Variants in PDS5B observed in about 807,000 individuals in gnomAD.
The protein encoded by PDS5B is PDS5 cohesin associated factor B, also known as sister chromatid cohesion protein PDS5 homolog B.
A neutral mutation model predicts 184.1 loss-of-function variants in PDS5B; 51 were observed. The ratio of observed to expected loss-of-function variants is 0.28; its 90% CI spans 0.22 to 0.35. The LOEUF (loss-of-function observed/expected upper bound fraction) is 0.35, where lower values mean the gene tolerates loss of function less well. PDS5B is among the 10% of genes least tolerant of loss of function. The probability of loss-of-function intolerance (pLI) is 1.00; values close to 1 mark genes in which losing one functional copy is unlikely to be tolerated. For synonymous variants in PDS5B, 566 were observed against 569.2 expected (o/e 0.99, Z 0.08); for missense variants, 1,180 against 1,723.3 (o/e 0.68, Z 5.58).
intron 8 of PDS5B, among the ~76,000 whole-genome samples, chr13:32,674,788 A>G (rs1022765298): frequency 9.2e-5 from 14 of 152,240 alleles, no homozygotes; most frequent in African/African-American, 3.4e-4. Context: ...AAAGAATTAT[A>G]ATTGGAAGAT....
chr13:32,635,341 C>CTTT lies in PDS5B; in HGVS notation c.-19-13395_-19-13393dup, dbSNP rs576811097. Among the ~76,000 whole-genome samples, 921 of 103,784 alleles carry CTTT rather than the reference C, an allele frequency of 8.9e-3. 26 individuals are homozygous for CTTT. The highest frequency in any genetic ancestry group is 0.079 in the East Asian group (297 of 3,782). 68.1% of individuals were successfully genotyped at this position (103,784 alleles called of 152,430 possible). ...GTGTGAGCCACTATGCCTGGCCTGT[C>CTTT]TTTTTTTTTTTTTTTTTTTTAAAGA... On this transcript the variant is annotated intron_variant, in intron 1 of 34. Transcript: ENST00000315596.
At position 32,776,360 on chromosome 13, in the gene PDS5B, A is replaced by G. The variant is rs1360825587; in HGVS notation, c.*1308A>G. 5 of 152,486 alleles carry G rather than the reference A, an allele frequency of 3.3e-5. No homozygotes were observed. Among genetic ancestry groups the G allele is most frequent in the African/African-American group, 1.2e-4 (5 of 41,440 alleles). 9.4% of individuals were successfully genotyped at this position (152,486 alleles called of 1,614,324 possible). On this transcript the variant is annotated 3_prime_UTR_variant, in exon 35 of 35. Transcript: ENST00000315596. ...GTTGTCACAGTCTTGTGAACTTTGA[A>G]TGAAATTCCACTTTGTCCAGATTGG... is the stretch of plus-strand genomic sequence containing the variant.
At chr13:32,653,151 GGCTGTGTTGGCACAT>G (rs1950414372) in intron 3 of PDS5B, among the ~76,000 whole-genome samples, 1 of 151,950 alleles carries the variant, frequency 6.6e-6, no homozygotes, top group African/African-American at 2.4e-5. Context: ...AAAATTAGCC[GGCTGTGTTGGCACAT>G]GACTGTAACC....
intron 1 of PDS5B, among the ~76,000 whole-genome samples, chr13:32,596,942 CT>C (rs532925419): frequency 6.6e-6 from 1 of 151,752 alleles, no homozygotes; most frequent in Admixed American, 6.6e-5. Context: ...CTTGCCTTAT[CT>C]TTTTTTTAAC....
intron 21 of PDS5B, among the ~76,000 whole-genome samples, chr13:32,740,626 C>A (rs1364353898): frequency 6.6e-6 from 1 of 152,128 alleles, no homozygotes; most frequent in African/African-American, 2.4e-5. Flanking sequence ...TGCACATGAT[C>A]ACCTCAGGAT....
intron 19 of PDS5B, among the ~76,000 whole-genome samples, chr13:32,713,349 A>G (rs1952268214): frequency 6.6e-6 from 1 of 152,232 alleles, no homozygotes; most frequent in Admixed American, 6.5e-5. Context: ...GAATACAGAT[A>G]AGCAAGTTAA....
chr13:32,590,955 G>A (rs1164576744), intron 1 of PDS5B, among the ~76,000 whole-genome samples: 10 of 149,612 alleles, frequency 6.7e-5, no homozygotes, highest in African/African-American at 2.0e-4. Flanking sequence ...AGTTATACAG[G>A]TATATGGTAA....
At position 32,760,575 on chromosome 13, in the gene PDS5B, C is replaced by T. The variant is rs1332084700; in HGVS notation, c.3373C>T (p.Pro1125Ser). Reference sequence around the variant, plus strand: ...AAGAGATGTGCATTTCTCATTTCAGCCTAAAACAACCAATGTTCTAGGAGC... The same window carrying T: ...AAGAGATGTGCATTTCTCATTTCAGTCTAAAACAACCAATGTTCTAGGAGC... ...EMKSFFTPGK[P>S]KTTNVLGAVN... The change falls in exon 30 of 35, where the codon CCT (proline) becomes TCT (serine). Residue 1125 changes from proline (P) to serine (S), a missense_variant and splice_region_variant. Physicochemically the swap from Pro to Ser is moderately conservative, Grantham distance 74. Around this residue, in one of 11 missense-constraint regions of PDS5B, gnomAD observed 465 missense variants for 497.8 expected, o/e 0.93. Coordinates refer to ENST00000315596, the MANE Select transcript of PDS5B (RefSeq NM_015032.4). 28 of 1,613,146 alleles carry T rather than the reference C, an allele frequency of 1.7e-5. No individual in the cohort carries two copies. Among genetic ancestry groups the T allele is most frequent in the Non-Finnish European group, 2.4e-5 (28 of 1,179,694 alleles).
At chr13:32,756,781 G>GA (rs1371425783) in intron 26 of PDS5B, among the ~76,000 whole-genome samples, 1 of 151,972 alleles carries the variant, frequency 6.6e-6, no homozygotes, top group African/African-American at 2.4e-5. Flanking sequence ...CATGGCAAAG[G>GA]AAAAAATGCC....
At chr13:32,604,767 T>G (rs1311430204) in intron 1 of PDS5B, among the ~76,000 whole-genome samples, 1 of 152,244 alleles carries the variant, frequency 6.6e-6, no homozygotes, top group African/African-American at 2.4e-5. Flanking sequence ...TATTGGTCTA[T>G]TCAGGGATTC....
At position 32,658,483 on chromosome 13, in the gene PDS5B, G is replaced by A. The variant is rs1436125357; in HGVS notation, c.449G>A (p.Ser150Asn). Residue 150 changes from serine to asparagine, a missense_variant, in exon 5 of 35, where the codon AGC becomes AAC. Physicochemically the swap from Ser to Asn is conservative, Grantham distance 46. Around this residue, in one of 11 missense-constraint regions of PDS5B, gnomAD observed 3 missense variants for 29.4 expected, o/e 0.10. Transcript: ENST00000315596. ...SYNICFELED[S>N]NEIFTQLYRT... ...AACATATGCTTTGAGTTAGAAGATA[G>A]CAATGAAATTTTCACCCAGCTATAC... 87 of 1,586,660 alleles carry A rather than the reference G, an allele frequency of 5.5e-5. No individual in the cohort carries two copies. Among genetic ancestry groups the A allele is most frequent in the Non-Finnish European group, 7.0e-5 (81 of 1,160,752 alleles).
At chr13:32,611,977 C>G (rs1414700800) in intron 1 of PDS5B, among the ~76,000 whole-genome samples, 1 of 151,992 alleles carries the variant, frequency 6.6e-6, no homozygotes, top group Non-Finnish European at 1.5e-5. Context: ...TGAATACTCT[C>G]ATATTCAGTA....
intron 1 of PDS5B, among the ~76,000 whole-genome samples, chr13:32,608,851 A>T (rs2058100013): frequency 6.6e-6 from 1 of 152,190 alleles, no homozygotes; most frequent in Non-Finnish European, 1.5e-5. Context: ...AGGTGAACCA[A>T]AAGATCTATG....
intron 2 of PDS5B, among the ~76,000 whole-genome samples, chr13:32,651,520 A>G (rs1042881359): frequency 2.6e-5 from 4 of 152,248 alleles, no homozygotes; most frequent in Admixed American, 6.5e-5. Context: ...CAAATATTCT[A>G]TTGGAATTCT....
intron 19 of PDS5B, among the ~76,000 whole-genome samples, chr13:32,717,687 TAAAAAAAAA>T (rs1293060097): frequency 1.7e-5 from 1 of 58,714 alleles, no homozygotes; most frequent in Non-Finnish European, 3.7e-5. Flanking sequence ...GAATGATCAA[TAAAAAAAAA>T]AAAAAATAAA....
intron 1 of PDS5B, among the ~76,000 whole-genome samples, chr13:32,612,412 T>G (rs901783352): frequency 6.6e-6 from 1 of 152,170 alleles, no homozygotes; most frequent in Non-Finnish European, 1.5e-5. Flanking sequence ...ATAATTTACA[T>G]ATCGTATAGT....
chr13:32,660,200 T>C (rs532885538), intron 6 of PDS5B, among the ~76,000 whole-genome samples: 2 of 152,182 alleles, frequency 1.3e-5, no homozygotes, highest in Non-Finnish European at 2.9e-5. Flanking sequence ...GCCTCACTTC[T>C]GCCTCTGGTG....
In PDS5B at chr13:32,701,318, T is replaced by C. The variant is rs373474455; in HGVS notation, c.1741-5T>C. ...TTTGTAATACTGAAATAATCTGTAT[T>C]ACAGCGTGAAATAACTAAGAAGTTG... On this transcript the variant is annotated splice_region_variant and splice_polypyrimidine_tract_variant and intron_variant, in intron 16 of 34. Coordinates refer to ENST00000315596, the MANE Select transcript of PDS5B (RefSeq NM_015032.4). The C allele has an allele frequency of 1.0e-5, 15 of 1,457,120 alleles. No individual in the cohort carries two copies. The highest frequency in any genetic ancestry group is 2.8e-5 in the African/African-American group (2 of 71,770). 90.3% of individuals were successfully genotyped at this position (1,457,120 alleles called of 1,614,324 possible).
chr13:32,748,604 G>A lies in PDS5B; in HGVS notation c.2736+2504G>A, dbSNP rs563317593. Among the ~76,000 whole-genome samples the A allele has an allele frequency of 3.3e-5, 5 of 151,828 alleles. No individual in the cohort carries two copies. In the South Asian group the frequency reaches 6.3e-4, roughly 19 times the overall value. ...GCAACGTTAAGGTTTTTCAAGACTC[G>A]GGTCCTACTTCAAGTGCTAAACAGA... On this transcript the variant is annotated intron_variant, in intron 24 of 34. Transcript: ENST00000315596.
Sources: allele counts gnomAD v4.1 joint callset (sites outside exome capture counted in the v4.1 genomes callset), GRCh38; gene constraint gnomAD v4.1.1; regional missense constraint gnomAD v4.1.1; transcripts MANE v1.5; gene names NCBI Gene and HGNC (gene_info 2026-07-23, HGNC 2026-07-21).